The following RAI2 variants were observed in gnomAD, a reference collection of about 807,000 sequenced individuals.
The protein encoded by RAI2 is retinoic acid-induced protein 2.
Under a neutral mutation model 15.3 loss-of-function variants are expected in RAI2, and 5 were observed. That is an observed-to-expected ratio of 0.33 (90% CI 0.17 to 0.69). The LOEUF (loss-of-function observed/expected upper bound fraction) is 0.69. Ranked by LOEUF, RAI2 falls within the 30% of genes least tolerant of loss-of-function variation. RAI2 has a pLI of 0.69. For missense variants in RAI2, 424 were observed against 424.7 expected, an observed-to-expected ratio of 1.00 and a Z score of 0.01; for synonymous variants, 191 against 184.0, an observed-to-expected ratio of 1.04 and a Z score of -0.31.
At chrX:17,836,662 T>A (rs1372366944) in intron 1 of RAI2, among the ~76,000 whole-genome samples, 2 of 112,269 alleles carry the variant, frequency 1.8e-5, no homozygotes, top group African/African-American at 6.5e-5. Context: ...AGCAAAGATA[T>A]CTGACGAAGG....
intron 1 of RAI2, among the ~76,000 whole-genome samples, chrX:17,831,929 C>A (rs1285746982): frequency 8.9e-6 from 1 of 112,254 alleles, no homozygotes; most frequent in Non-Finnish European, 1.9e-5. Flanking sequence ...TCTTTCCCAC[C>A]TGCTTCCAGA....
At chrX:17,857,650 C>T (rs1254272216) in intron 1 of RAI2, among the ~76,000 whole-genome samples, 1 of 110,671 alleles carries the variant, frequency 9.0e-6, no homozygotes, top group Non-Finnish European at 1.9e-5. Context: ...ACACCAGGAA[C>T]TTCAGGCCCC....
intron 1 of RAI2, among the ~76,000 whole-genome samples, chrX:17,848,463 A>G (rs1293229175): frequency 9.1e-6 from 1 of 109,627 alleles, no homozygotes; most frequent in Non-Finnish European, 1.9e-5. Context: ...TTGGTGAGTA[A>G]CCTCAACTAC....
In RAI2 at chrX:17,853,250, C is replaced by G. The variant is rs753620977; in HGVS notation, c.-25+7848G>C. ...GAAAAAGTCTCTATGCTTATACAAT[C>G]TTATAGACCCTTCCACCAACCTTAG... On this transcript the variant is annotated intron_variant, in intron 1 of 1. Coordinates refer to ENST00000451717, the MANE Select transcript of RAI2 (RefSeq NM_021785.6). Among the ~76,000 whole-genome samples, 4 of 112,204 alleles carry G rather than the reference C, an allele frequency of 3.6e-5. No individual in the cohort carries two copies. The South Asian group carries it at 1.5e-3, about 42-fold the overall frequency.
chrX:17,815,984 GCTCCTC>G (rs746096052), intron 1 of RAI2, among the ~76,000 whole-genome samples: 10 of 108,448 alleles, frequency 9.2e-5, no homozygotes, highest in Middle Eastern at 4.7e-3. Context: ...GGCTTTGCTA[GCTCCTC>G]CTCCTCCTCC....
intron 1 of RAI2, among the ~76,000 whole-genome samples, chrX:17,828,803 T>C (rs768269445): frequency 7.7e-4 from 86 of 111,381 alleles, no homozygotes; most frequent in Non-Finnish European, 1.4e-3. Context: ...GCTGGCTCTG[T>C]CCCTGAGCTC....
intron 1 of RAI2, among the ~76,000 whole-genome samples, chrX:17,843,785 G>A (rs923347821): frequency 8.9e-6 from 1 of 112,231 alleles, no homozygotes; most frequent in African/African-American, 3.2e-5. Flanking sequence ...TATGCATCAC[G>A]AAAGTCTAAA....
At chrX:17,842,617 C>A (rs2067411723) in intron 1 of RAI2, among the ~76,000 whole-genome samples, 1 of 101,912 alleles carries the variant, frequency 9.8e-6, no homozygotes, top group African/African-American at 3.7e-5. Flanking sequence ...AATTGTAAAG[C>A]TCCAAACTCC....
In RAI2 at chrX:17,800,376, T is replaced by C. The variant is rs1321380715; in HGVS notation, c.*42A>G. On this transcript the variant is annotated 3_prime_UTR_variant, in exon 2 of 2. Coordinates refer to ENST00000451717, the MANE Select transcript of RAI2 (RefSeq NM_021785.6). ...TGCCTTTTTATAAAACCAATGCACC[T>C]TTCCCCATATTATAATCATACAAAT... The C allele has an allele frequency of 8.8e-7, 1 of 1,135,145 alleles. No homozygotes were observed. Among genetic ancestry groups the C allele is most frequent in the Non-Finnish European group, 1.2e-6 (1 of 854,177 alleles). 93.5% of individuals were successfully genotyped at this position (1,135,145 alleles called of 1,213,427 possible). A position where few individuals can be genotyped will look rare whatever the true frequency, so the allele number is the denominator to read the frequency against.
At chrX:17,815,329 A>G (rs1225378171) in intron 1 of RAI2, among the ~76,000 whole-genome samples, 7 of 6,374 alleles carry the variant, frequency 1.1e-3, no homozygotes, top group South Asian at 0.01. Flanking sequence ...ACGTGCACAC[A>G]CACACACACA....
chrX:17,800,564 G>A lies in RAI2; in HGVS notation c.1447C>T (p.Gln483Ter), dbSNP rs758342083. 1 of 1,210,680 alleles carries A rather than the reference G, an allele frequency of 8.3e-7. No homozygotes were observed. The highest frequency in any genetic ancestry group is 1.7e-5 in the African/African-American group (1 of 57,679). Reference sequence around the variant, plus strand: ...GCATTTCCCATGGACTCTTCCCCTTGGCTGTTGATGTCATAGCCCTGAAGC... The same window carrying A: ...GCATTTCCCATGGACTCTTCCCCTTAGCTGTTGATGTCATAGCCCTGAAGC... ...SVLQGYDINS[Q>*]GEESMGNAEP... Residue 483 changes from glutamine (Q) to a stop codon, truncating the protein, a stop_gained, in exon 2 of 2, where the codon CAA becomes TAA. Transcript: ENST00000451717. LOFTEE classifies it high-confidence loss of function.
intron 1 of RAI2, among the ~76,000 whole-genome samples, chrX:17,831,074 C>T (rs1377314780): frequency 9.0e-6 from 1 of 111,678 alleles, no homozygotes; most frequent in African/African-American, 3.3e-5. Flanking sequence ...CTGGCACCCT[C>T]TGGGCTGAGG....
At chrX:17,849,440 C>T (rs1430102755) in intron 1 of RAI2, among the ~76,000 whole-genome samples, 1 of 112,329 alleles carries the variant, frequency 8.9e-6, no homozygotes, top group Non-Finnish European at 1.9e-5. Flanking sequence ...AGTTACTAAA[C>T]GTATCCAAGC....
intron 1 of RAI2, among the ~76,000 whole-genome samples, chrX:17,821,848 T>C (rs1038777593): frequency 1.8e-5 from 2 of 110,574 alleles, no homozygotes; most frequent in African/African-American, 6.6e-5. Flanking sequence ...CCTCAAATGA[T>C]TTTCATTCCA....
intron 1 of RAI2, among the ~76,000 whole-genome samples, 192 bp from the exon 2 acceptor site, chrX:17,802,226 T>A (rs2066922556): frequency 8.9e-6 from 1 of 112,306 alleles, no homozygotes; most frequent in African/African-American, 3.2e-5. Flanking sequence ...CCTGTGTGCG[T>A]GGAGAACCCC....
intron 1 of RAI2, among the ~76,000 whole-genome samples, chrX:17,835,002 G>A (rs185133869): frequency 4.7e-4 from 52 of 111,395 alleles, no homozygotes; most frequent in Non-Finnish European, 6.4e-4. Flanking sequence ...GAACATATCA[G>A]TGCCTCATTT....
chrX:17,802,115 A>G, intron 1 of RAI2, 81 bp from the exon 2 acceptor site: 1 of 1,081,865 alleles, frequency 9.2e-7, no homozygotes, highest in Non-Finnish European at 1.2e-6. Context: ...CATCTTTAGA[A>G]AGTTTCCACG....
At chrX:17,855,063 C>T (rs2067584200) in intron 1 of RAI2, among the ~76,000 whole-genome samples, 1 of 112,130 alleles carries the variant, frequency 8.9e-6, no homozygotes, top group South Asian at 3.7e-4. Context: ...CTTCTACCTC[C>T]CTGAACTCTC....
chrX:17,834,858 G>C (rs893131289), intron 1 of RAI2, among the ~76,000 whole-genome samples: 1 of 110,963 alleles, frequency 9.0e-6, no homozygotes, highest in African/African-American at 3.3e-5. Flanking sequence ...ATATGGCAGG[G>C]GTTACAGAAA....
Sources: gnomAD v4.1 joint callset for allele counts (sites outside exome capture counted in the v4.1 genomes callset) on GRCh38, gnomAD v4.1.1 for gene constraint, MANE v1.5 for transcripts, NCBI Gene and HGNC (gene_info 2026-07-23, HGNC 2026-07-21) for gene names.